WRAP73: variants seen among roughly 807,000 people sequenced by gnomAD.
The protein encoded by WRAP73 is WD repeat containing, antisense to TP73.
A neutral mutation model predicts 59.6 loss-of-function variants in WRAP73; 55 were observed. That is an observed-to-expected ratio of 0.92 (90% CI 0.74 to 1.15). The LOEUF is 1.15. WRAP73 is among the 50% of genes most tolerant of loss of function. The pLI is 0.00. For missense variants in WRAP73, 592 were observed against 608.1 expected (o/e 0.97, Z 0.28); for synonymous variants, 265 against 258.2 (o/e 1.03, Z -0.25).
rs140040324 is a variant in WRAP73, at chr1:3,630,996, T to C, written c.1362A>G (p.Arg454=). Residue 454 remains arginine, a synonymous_variant, in exon 12 of 12, where the codon AGA becomes AGG. Coordinates refer to ENST00000270708, the MANE Select transcript of WRAP73 (RefSeq NM_017818.4). ...GCTGCTACGTGTGGCCGCCCAGCTG[T>C]CTGCAGGCTGTGCCGACCACTGCCT... The part of the protein sequence containing the change: ...ETEAVVGTAC[R]QLGGHT 6.2e-7 allele frequency: 1 copy of C among 1,612,848 alleles called. No individual in the cohort carries two copies. The highest frequency in any genetic ancestry group is 1.3e-5 in the African/African-American group (1 of 74,938).
At chr1:3,647,314 T>C in intron 2 of WRAP73, 94 bp downstream of exon 2, 1 of 1,327,352 alleles carries the variant, frequency 7.5e-7, no homozygotes, top group Non-Finnish European at 9.9e-7. Context: ...CTGCACGGAC[T>C]TTTTTTTCAA....
chr1:3,638,901 C>T (rs1459175443), intron 3 of WRAP73, 79 bp from the exon 4 acceptor site: 18 of 1,533,806 alleles, frequency 1.2e-5, no homozygotes, highest in African/African-American at 6.8e-5. Context: ...AACCCGCCCA[C>T]GCGTCCCCAA....
Position 3,638,731 on chromosome 1 carries a change from G to A in WRAP73, c.412+19C>T, listed in dbSNP as rs376291816. ...ACAGCTGCAAAGAAATGGCTTTTGC[G>A]TGGCTCCGATCGACTCACCCTGCAG... is the stretch of plus-strand genomic sequence containing the variant. On this transcript the variant is annotated intron_variant, in intron 4 of 11. Transcript: ENST00000270708. 29 of 1,613,460 alleles carry A rather than the reference G, an allele frequency of 1.8e-5. No homozygotes were observed. Among genetic ancestry groups the A allele is most frequent in the East Asian group, 4.5e-5 (2 of 44,898 alleles).
intron 4 of WRAP73, 51 bp downstream of exon 4, chr1:3,638,699 A>C (rs780323275): frequency 6.2e-7 from 1 of 1,608,016 alleles, no homozygotes; most frequent in South Asian, 1.1e-5. Context: ...CGTGACAAAA[A>C]AGTCAAACAG....
intron 10 of WRAP73, chr1:3,631,860 G>A (rs905318934): frequency 2.9e-6 from 4 of 1,402,630 alleles, no homozygotes; most frequent in Admixed American, 3.4e-5. Flanking sequence ...GCTGTAAGGG[G>A]CCCAAATGTG....
intron 4 of WRAP73, 33 bp downstream of exon 4, chr1:3,638,717 G>A (rs1421886180): frequency 3.1e-6 from 5 of 1,612,526 alleles, no homozygotes; most frequent in Non-Finnish European, 4.2e-6. Context: ...CAGCTGCAAA[G>A]AAATGGCTTT....
chr1:3,647,636 G>A, intron 1 of WRAP73, 76 bp from the exon 2 acceptor site: 13 of 1,509,974 alleles, frequency 8.6e-6, no homozygotes, highest in Non-Finnish European at 1.1e-5. Context: ...CTACTGCCCT[G>A]GCCTTCAGTG....
At chr1:3,647,875 T>G (rs1557465780) in intron 1 of WRAP73, among the ~76,000 whole-genome samples, 1 of 152,242 alleles carries the variant, frequency 6.6e-6, no homozygotes, top group Non-Finnish European at 1.5e-5. Flanking sequence ...TAAACTTAAA[T>G]GGGAAGTAGC....
intron 3 of WRAP73, 93 bp from the exon 4 acceptor site, chr1:3,638,915 C>G: frequency 7.1e-7 from 1 of 1,401,928 alleles, no homozygotes; most frequent in South Asian, 1.2e-5. Context: ...TCCCCAAGCA[C>G]AGGCCTGACT....
rs1644596563 is a variant in WRAP73, at chr1:3,637,191, G to T, written c.413-93C>A. 9.2e-6 allele frequency: 10 copies of T among 1,083,028 alleles called. No homozygotes were observed. In the South Asian group the frequency reaches 1.1e-4, roughly 12 times the overall value. The allele number at this position is 1,083,028 out of a possible 1,614,324, so 67.1% of individuals were successfully genotyped here. ...AATTCACAAGGAAGGAGGAGGAAAA[G>T]AAAGCAGAGGTGAAAAGAAGGGAAA... On this transcript the variant is annotated intron_variant, in intron 4 of 11. Coordinates refer to ENST00000270708, the MANE Select transcript of WRAP73 (RefSeq NM_017818.4).
rs1246534319 is a variant in WRAP73, at chr1:3,647,395, C to T, written c.222+13G>A. ...GAAGGTGTCCAGATTCTAAGCGACA[C>T]GGCAGCACACACCTGCACCAGCCCT... is the stretch of plus-strand genomic sequence containing the variant. On this transcript the variant is annotated intron_variant, in intron 2 of 11. Transcript: ENST00000270708. The T allele has an allele frequency of 1.1e-5, 18 of 1,608,010 alleles. No individual in the cohort carries two copies. Among genetic ancestry groups the T allele is most frequent in the Admixed American group, 3.4e-5 (2 of 59,214 alleles).
chr1:3,640,415 G>GAGCATCTCAGCATC (rs1557460331), intron 3 of WRAP73, among the ~76,000 whole-genome samples: 1 of 149,220 alleles, frequency 6.7e-6, no homozygotes, highest in Non-Finnish European at 1.5e-5. Flanking sequence ...TGGAGCGCCC[G>GAGCATCTCAGCATC]AGCATCTCAG....
rs919270188 is a variant in WRAP73, at chr1:3,646,921, C to T, written c.223-139G>A. On this transcript the variant is annotated intron_variant, in intron 2 of 11. Transcript: ENST00000270708. The surrounding 1 kb of genome is among the most constrained non-coding windows in gnomAD (Gnocchi z 5.1). ...TCATCAGCAGTCTATAGCGAGGCCT[C>T]GCCGAGAGACAACTCCCTTAAAACC... is the stretch of plus-strand genomic sequence containing the variant. The T allele has an allele frequency of 4.5e-5, 29 of 637,584 alleles. No individual in the cohort carries two copies. Among genetic ancestry groups the T allele is most frequent in the African/African-American group, 3.3e-4 (17 of 51,128 alleles). The allele number at this position is 637,584 out of a possible 1,614,324, so 39.5% of individuals were successfully genotyped here. A position where few individuals can be genotyped will look rare whatever the true frequency, so the allele number is the denominator to read the frequency against.
chr1:3,633,997 C>T (rs1192021484), intron 8 of WRAP73: 3 of 156,728 alleles, frequency 1.9e-5, no homozygotes, highest in Admixed American at 6.2e-5. Flanking sequence ...AAGGGAGTCA[C>T]CTGGCCTGGT....
chr1:3,642,127 C>T (rs573523779), intron 3 of WRAP73, among the ~76,000 whole-genome samples: 1 of 152,198 alleles, frequency 6.6e-6, no homozygotes, highest in Non-Finnish European at 1.5e-5. Context: ...CTGTTGTGCA[C>T]CTGTAATGCC....
rs535699940 is a variant in WRAP73 at position 3,630,971 on chromosome 1, G to A, written c.*4C>T. 3.7e-6 allele frequency: 6 copies of A among 1,612,400 alleles called. No homozygotes were observed. Among genetic ancestry groups the A allele is most frequent in the Admixed American group, 1.7e-5 (1 of 59,992 alleles). Reference sequence around the variant, plus strand: ...CTGTTTCTGCACACGTTAGTGCACCGCTGCTACGTGTGGCCGCCCAGCTGT... The same window carrying A: ...CTGTTTCTGCACACGTTAGTGCACCACTGCTACGTGTGGCCGCCCAGCTGT... On this transcript the variant is annotated 3_prime_UTR_variant, in exon 12 of 12. Coordinates refer to ENST00000270708, the MANE Select transcript of WRAP73 (RefSeq NM_017818.4).
intron 1 of WRAP73, among the ~76,000 whole-genome samples, chr1:3,648,289 A>G (rs1644710051): frequency 6.6e-6 from 1 of 152,150 alleles, no homozygotes; most frequent in Admixed American, 6.5e-5. Flanking sequence ...CTGAATGTAT[A>G]TTTTACTACA....
At chr1:3,644,625 C>T (rs927945254) in intron 3 of WRAP73, among the ~76,000 whole-genome samples, 1 of 152,226 alleles carries the variant, frequency 6.6e-6, no homozygotes, top group Non-Finnish European at 1.5e-5. Flanking sequence ...GGTTACCGGT[C>T]CTCATCCACC....
chr1:3,649,780 C>G (rs1476228214), intron 1 of WRAP73, 151 bp downstream of exon 1: 8 of 758,140 alleles, frequency 1.1e-5, no homozygotes, highest in Non-Finnish European at 1.6e-5. Context: ...TGCACCTGCC[C>G]CGGGTACCTG....
Sources: gnomAD v4.1 joint callset for allele counts (sites outside exome capture counted in the v4.1 genomes callset) on GRCh38, gnomAD v4.1.1 for gene constraint, Gnocchi (gnomAD v3.1) non-coding constraint, MANE v1.5 for transcripts, NCBI Gene and HGNC (gene_info 2026-07-23, HGNC 2026-07-21) for gene names.